The following CCDC57 variants were observed in gnomAD, a reference collection of about 807,000 sequenced individuals.
CCDC57 encodes coiled-coil domain containing 57, also known as coiled-coil domain-containing protein 57.
CCDC57 carries 118 observed loss-of-function variants against 118.9 expected under a neutral mutation model. The observed-to-expected ratio is 0.99, with a 90% confidence interval of 0.86 to 1.16. CCDC57 has a LOEUF of 1.16. CCDC57 is among the 50% of genes most tolerant of loss of function. The pLI is 0.00. For missense variants in CCDC57, 1,300 were observed against 1,320.7 expected (o/e 0.98, Z 0.24); for synonymous variants, 527 against 532.9 (o/e 0.99, Z 0.15).
rs948521690 is a variant in CCDC57 at position 82,157,373 on chromosome 17, G to T, written c.2241+375C>A. On this transcript the variant is annotated intron_variant, in intron 15 of 19. Transcript: ENST00000665763. ...CAACGCTAGGCATGGGGCAGGCATG[G>T]CTGTGCACGCAGACGCCCCCTCAGC... is the stretch of plus-strand genomic sequence containing the variant. 8.7e-6 allele frequency: 9 copies of T among 1,036,042 alleles called. No homozygotes were observed. In the African/African-American group the frequency reaches 1.5e-4, roughly 17 times the overall value. The allele number at this position is 1,036,042 out of a possible 1,614,324, so 64.2% of individuals were successfully genotyped here. A position where few individuals can be genotyped will look rare whatever the true frequency, so the allele number is the denominator to read the frequency against.
intron 14 of CCDC57, among the ~76,000 whole-genome samples, chr17:82,159,767 G>T (rs2043102670): frequency 6.6e-6 from 1 of 151,620 alleles, no homozygotes; most frequent in African/African-American, 2.4e-5. Flanking sequence ...CGCCTCCCGG[G>T]TTCAAGCAAT....
intron 19 of CCDC57, among the ~76,000 whole-genome samples, chr17:82,109,584 G>A (rs950590475): frequency 3.3e-5 from 5 of 152,160 alleles, no homozygotes; most frequent in African/African-American, 9.7e-5. Flanking sequence ...CCGGCCAGGC[G>A]CGGTGGCTCA....
exon 20 of CCDC57, chr17:82,101,781 C>G: frequency 6.2e-7 from 1 of 1,608,850 alleles, no homozygotes; most frequent in East Asian, 2.2e-5. Context: ...TGGCCTTTGC[C>G]TGGGCTGCTG....
At chr17:82,187,889 G>T (rs1488557388) in intron 8 of CCDC57, among the ~76,000 whole-genome samples, 1 of 151,740 alleles carries the variant, frequency 6.6e-6, no homozygotes, top group Non-Finnish European at 1.5e-5. Flanking sequence ...GATGACAGTG[G>T]TGATGGTTTT....
At chr17:82,158,023 G>C (rs1330133465) in intron 14 of CCDC57, 75 bp from the exon 14 acceptor site, 1 of 1,485,324 alleles carries the variant, frequency 6.7e-7, no homozygotes, top group Non-Finnish European at 8.9e-7. Context: ...GCACTGACAG[G>C]AAGCGCTGTG....
At chr17:82,199,953 C>A (rs1434084530) in intron 3 of CCDC57, among the ~76,000 whole-genome samples, 1 of 152,224 alleles carries the variant, frequency 6.6e-6, no homozygotes, top group Non-Finnish European at 1.5e-5. Context: ...ACCATCAACA[C>A]TGTGGGCTTC....
chr17:82,172,952 T>G lies in CCDC57; in HGVS notation c.1507-92A>C. On this transcript the variant is annotated intron_variant, in intron 11 of 19. Coordinates refer to ENST00000665763, the Ensembl canonical transcript of CCDC57. The surrounding 1 kb of genome is among the most constrained non-coding windows in gnomAD (Gnocchi z 5.2). ...TGCCTCCGCTCTCCCCGCGCCCCTC[T>G]CGGGCCGGTCCCCCGCTTCAGCTTG... 8.7e-7 allele frequency: 1 copy of G among 1,145,188 alleles called. No individual in the cohort carries two copies. Among genetic ancestry groups the G allele is most frequent in the Non-Finnish European group, 1.3e-6 (1 of 787,068 alleles). The allele number at this position is 1,145,188 out of a possible 1,614,324, so 70.9% of individuals were successfully genotyped here.
rs192402729 is a variant in CCDC57, at chr17:82,112,855, C to T, written c.2900-10989G>A. The T allele has an allele frequency of 3.9e-3, 595 of 153,126 alleles. 3 individuals carry two copies. The highest frequency in any genetic ancestry group is 9.0e-3 in the Admixed American group (139 of 15,364). The allele number at this position is 153,126 out of a possible 1,614,324, so 9.5% of individuals were successfully genotyped here. A position where few individuals can be genotyped will look rare whatever the true frequency, so the allele number is the denominator to read the frequency against. On this transcript the variant is annotated intron_variant, in intron 19 of 19. Coordinates refer to ENST00000665763, the Ensembl canonical transcript of CCDC57. ...TGTTGGGGATCTCGGTCTTGTTTGA[C>T]CAGTTGTCCAATGTCTGCAAACAGT... is the stretch of plus-strand genomic sequence containing the variant.
At chr17:82,117,509 G>A (rs2036072671) in intron 19 of CCDC57, among the ~76,000 whole-genome samples, 2 of 152,114 alleles carry the variant, frequency 1.3e-5, no homozygotes, top group Non-Finnish European at 2.9e-5. Flanking sequence ...GTGGTGGTAC[G>A]TGCCTGTGGT....
intron 11 of CCDC57, 44 bp downstream of exon 10, chr17:82,178,430 C>T (rs773324468): frequency 1.3e-6 from 2 of 1,553,206 alleles, no homozygotes; most frequent in South Asian, 1.2e-5. Context: ...TTTCCCACCG[C>T]TGCTGTTGAG....
chr17:82,176,773 TCCTGCTTCA>T (rs1381144973), intron 11 of CCDC57, among the ~76,000 whole-genome samples: 2 of 152,258 alleles, frequency 1.3e-5, no homozygotes, highest in East Asian at 3.9e-4. Flanking sequence ...GGCAAGTTTC[TCCTGCTTCA>T]TGATGATGGA....
chr17:82,186,291 C>T (rs1340893841), intron 8 of CCDC57, among the ~76,000 whole-genome samples: 2 of 152,164 alleles, frequency 1.3e-5, no homozygotes, highest in East Asian at 1.9e-4. Context: ...AGAGTATTTA[C>T]GGACAGAAAA....
chr17:82,123,288 C>T (rs1046139185), intron 19 of CCDC57, among the ~76,000 whole-genome samples: 7 of 129,548 alleles, frequency 5.4e-5, no homozygotes, highest in Admixed American at 1.9e-4. Context: ...CCAGTGTGCC[C>T]GGCCCTTTTT....
intron 13 of CCDC57, among the ~76,000 whole-genome samples, chr17:82,167,419 C>T (rs968682698): frequency 4.0e-5 from 6 of 149,658 alleles, no homozygotes; most frequent in East Asian, 2.0e-4. Context: ...GGCGCGATGT[C>T]GGCTCACTGC....
exon 11 of CCDC57, chr17:82,178,543 G>A (rs754784146): frequency 4.3e-6 from 7 of 1,613,600 alleles, no homozygotes; most frequent in African/African-American, 1.3e-5. Flanking sequence ...CCAGGGTCAC[G>A]GCCTTCAGCA....
At chr17:82,106,047 C>T (rs1568131571) in intron 19 of CCDC57, among the ~76,000 whole-genome samples, 5 of 152,242 alleles carry the variant, frequency 3.3e-5, no homozygotes, top group Non-Finnish European at 7.3e-5. Flanking sequence ...CTCCTCTGGG[C>T]GCCTGTGGCT....
chr17:82,163,121 G>C (rs2043551251), intron 14 of CCDC57, 79 bp downstream of exon 13: 4 of 1,549,974 alleles, frequency 2.6e-6, no homozygotes, highest in Non-Finnish European at 3.5e-6. Context: ...GGTCGCACCG[G>C]GCAGCCGCTC....
At chr17:82,158,300 G>C (rs2042914144) in intron 14 of CCDC57, among the ~76,000 whole-genome samples, 1 of 152,178 alleles carries the variant, frequency 6.6e-6, no homozygotes, top group Non-Finnish European at 1.5e-5. Flanking sequence ...CCGGTAGGAG[G>C]TGTTGATTTT....
intron 14 of CCDC57, among the ~76,000 whole-genome samples, chr17:82,161,481 A>G (rs1005646795): frequency 1.3e-5 from 2 of 152,214 alleles, no homozygotes; most frequent in Non-Finnish European, 2.9e-5. Context: ...ATTATGCACA[A>G]TCCAAACAGC....
Sources: allele counts gnomAD v4.1 joint callset (sites outside exome capture counted in the v4.1 genomes callset), GRCh38; gene constraint gnomAD v4.1.1; non-coding constraint Gnocchi (gnomAD v3.1); transcripts MANE v1.5; gene names NCBI Gene and HGNC (gene_info 2026-07-23, HGNC 2026-07-21).